The following CRPPA variants were observed in gnomAD, a reference collection of about 807,000 sequenced individuals.
CRPPA encodes the protein CDP-L-ribitol pyrophosphorylase A, also known as D-ribitol-5-phosphate cytidylyltransferase.
Under a neutral mutation model 52.0 loss-of-function variants are expected in CRPPA, and 43 were observed. The observed-to-expected ratio is 0.83, with a 90% CI of 0.65 to 1.07. The LOEUF (loss-of-function observed/expected upper bound fraction) is 1.07, where lower values mean the gene tolerates loss of function less well. Ranked by LOEUF, CRPPA falls within the 50% of genes least tolerant of loss-of-function variation. CRPPA has a pLI of 0.00. For synonymous variants in CRPPA, 250 were observed against 203.5 expected, an observed-to-expected ratio of 1.23 and a Z score of -1.94; for missense variants, 629 against 551.7, an observed-to-expected ratio of 1.14 and a Z score of -1.40.
intron 6 of CRPPA, among the ~76,000 whole-genome samples, chr7:16,273,484 C>T (rs1417181137): frequency 1.3e-5 from 2 of 151,966 alleles, no homozygotes; most frequent in African/African-American, 4.8e-5. Context: ...GACGGTAGGA[C>T]CACAGAGAAG....
chr7:16,318,751 C>T (rs2128426870), intron 3 of CRPPA, among the ~76,000 whole-genome samples: 1 of 152,226 alleles, frequency 6.6e-6, no homozygotes, highest in Middle Eastern at 3.4e-3. Context: ...GGCCCTCCAC[C>T]TATATCAATC....
intron 3 of CRPPA, among the ~76,000 whole-genome samples, chr7:16,348,755 C>T (rs1786077210): frequency 6.6e-6 from 1 of 152,160 alleles, no homozygotes. Context: ...GCAGCCTGAG[C>T]CAGGGCACTG....
At chr7:16,141,887 C>T (rs1179446232) in intron 9 of CRPPA, among the ~76,000 whole-genome samples, 1 of 152,160 alleles carries the variant, frequency 6.6e-6, no homozygotes, top group Non-Finnish European at 1.5e-5. Context: ...TATCCTGTCA[C>T]CCTACTATCC....
chr7:16,349,885 GA>G (rs1298099436), intron 3 of CRPPA, among the ~76,000 whole-genome samples: 1 of 151,952 alleles, frequency 6.6e-6, no homozygotes, highest in Non-Finnish European at 1.5e-5. Flanking sequence ...AAAGGAGATA[GA>G]AATCCAGATC....
chr7:16,179,551 A>G (rs1781370587), intron 9 of CRPPA, among the ~76,000 whole-genome samples: 1 of 152,118 alleles, frequency 6.6e-6, no homozygotes, highest in South Asian at 2.1e-4. Context: ...CTTTGCAGAG[A>G]AAAGGGTCAC....
intron 3 of CRPPA, among the ~76,000 whole-genome samples, chr7:16,348,481 C>G (rs1397152172): frequency 6.6e-6 from 1 of 152,098 alleles, no homozygotes; most frequent in East Asian, 1.9e-4. Flanking sequence ...TCACAGCTGC[C>G]GCCCTGAGGT....
chr7:16,278,076 T>C, intron 6 of CRPPA, 53 bp downstream of exon 6: 2 of 870,572 alleles, frequency 2.3e-6, no homozygotes, highest in Admixed American at 2.3e-5. Context: ...ATCTTTATAC[T>C]ATAAAAGTTT....
At chr7:16,362,176 G>A (rs575285306) in intron 3 of CRPPA, among the ~76,000 whole-genome samples, 4 of 152,196 alleles carry the variant, frequency 2.6e-5, no homozygotes, top group African/African-American at 9.6e-5. Context: ...TTTTAAAAGA[G>A]TGCATGTCTC....
intron 2 of CRPPA, among the ~76,000 whole-genome samples, chr7:16,399,329 CAG>C (rs1421024815): frequency 5.9e-5 from 9 of 152,042 alleles, no homozygotes; most frequent in East Asian, 3.9e-4. Context: ...AACACGTGAC[CAG>C]AGTGTGATTG....
intron 9 of CRPPA, among the ~76,000 whole-genome samples, chr7:16,102,532 G>A (rs1782067453): frequency 6.6e-6 from 1 of 152,062 alleles, no homozygotes; most frequent in African/African-American, 2.4e-5. Context: ...CTACAGAATG[G>A]GAGAAAATTT....
intron 2 of CRPPA, among the ~76,000 whole-genome samples, chr7:16,378,445 A>G (rs1786969570): frequency 6.6e-6 from 1 of 151,444 alleles, no homozygotes; most frequent in Non-Finnish European, 1.5e-5. Context: ...TGAACTCATC[A>G]TTTTTTATGG....
chr7:16,396,979 C>A (rs747129889), intron 2 of CRPPA, among the ~76,000 whole-genome samples: 1 of 152,178 alleles, frequency 6.6e-6, no homozygotes, highest in Non-Finnish European at 1.5e-5. Flanking sequence ...ACACTGGTGA[C>A]ATGTGTGACA....
At chr7:16,102,863 T>C (rs1010425185) in intron 9 of CRPPA, among the ~76,000 whole-genome samples, 8 of 152,284 alleles carry the variant, frequency 5.3e-5, no homozygotes, top group Non-Finnish European at 7.3e-5. Flanking sequence ...GATGGGTGTG[T>C]AAATTAGTTC....
chr7:16,266,529 A>G (rs1783958578), intron 6 of CRPPA, among the ~76,000 whole-genome samples: 1 of 149,140 alleles, frequency 6.7e-6, no homozygotes, highest in South Asian at 2.1e-4. Flanking sequence ...CCCATGCTGG[A>G]GTGCAGTCGT....
chr7:16,403,513 G>A (rs1421902375), intron 2 of CRPPA, among the ~76,000 whole-genome samples: 3 of 152,022 alleles, frequency 2.0e-5, no homozygotes, highest in African/African-American at 7.3e-5. Context: ...TGTGTGAAGG[G>A]GACCTTTAGG....
At chr7:16,383,517 C>A (rs964908910) in intron 2 of CRPPA, among the ~76,000 whole-genome samples, 1 of 152,228 alleles carries the variant, frequency 6.6e-6, no homozygotes, top group African/African-American at 2.4e-5. Context: ...CCACTGCTCT[C>A]TTCAAAGCTG....
chr7:16,254,018 C>G (rs1422143990), intron 8 of CRPPA, among the ~76,000 whole-genome samples: 2 of 152,154 alleles, frequency 1.3e-5, no homozygotes, highest in Non-Finnish European at 2.9e-5. Flanking sequence ...CAGAGAAATG[C>G]AAATCAAAAC....
At chr7:16,253,280 G>T (rs1783511849) in intron 8 of CRPPA, among the ~76,000 whole-genome samples, 1 of 152,116 alleles carries the variant, frequency 6.6e-6, no homozygotes, top group African/African-American at 2.4e-5. Flanking sequence ...CTTTAAATGT[G>T]TCCCAGATAT....
At chr7:16,396,029 AC>A (rs1787560211) in intron 2 of CRPPA, among the ~76,000 whole-genome samples, 1 of 152,192 alleles carries the variant, frequency 6.6e-6, no homozygotes, top group South Asian at 2.1e-4. Context: ...GTCGAAATAA[AC>A]CTGGGTTTCC....
Sources: gnomAD v4.1 joint callset for allele counts (sites outside exome capture counted in the v4.1 genomes callset) on GRCh38, gnomAD v4.1.1 for gene constraint, MANE v1.5 for transcripts, NCBI Gene and HGNC (gene_info 2026-07-23, HGNC 2026-07-21) for gene names.